The following ABCA4 variants were observed in gnomAD, a reference collection of about 807,000 sequenced individuals.
ABCA4 encodes ATP binding cassette subfamily A member 4.
ABCA4 carries 196 observed loss-of-function variants against 263.7 expected under a neutral mutation model. The ratio of observed to expected loss-of-function variants is 0.74; its 90% CI spans 0.66 to 0.84. ABCA4 has a LOEUF of 0.84. Ranked by LOEUF, ABCA4 falls within the 40% of genes least tolerant of loss-of-function variation. The probability of loss-of-function intolerance (pLI) is 0.00; values close to 1 mark genes in which losing one functional copy is unlikely to be tolerated. For synonymous variants in ABCA4, 1,133 were observed against 1,094.2 expected (o/e 1.04, Z -0.70); for missense variants, 2,792 against 2,855.1 (o/e 0.98, Z 0.50).
At chr1:94,056,948 C>T in intron 14 of ABCA4, 126 bp from the exon 15 acceptor site, 1 of 807,260 alleles carries the variant, frequency 1.2e-6, no homozygotes, top group South Asian at 1.5e-5. Context: ...ACTCCATGTG[C>T]TGAGTTCCTT....
rs746685896 is a variant in ABCA4, at chr1:94,078,610, T to C, written c.1336A>G (p.Thr446Ala). ...PQIWYFFDNS[T>A]QMNMIRDTLG... The stretch of plus-strand genomic sequence containing the variant: ...CTTACTCTGATCATGTTCATCTGTG[T>C]GCTGTTGTCAAAGAAGTACCAGATC... Residue 446 changes from threonine (T) to alanine (A), a missense_variant, in exon 10 of 50, where the codon ACA becomes GCA. Coordinates refer to ENST00000370225, the MANE Select transcript of ABCA4 (RefSeq NM_000350.3). The C allele has an allele frequency of 1.1e-5, 14 of 1,326,364 alleles. No homozygotes were observed. Among genetic ancestry groups the C allele is most frequent in the South Asian group, 1.0e-4 (9 of 87,204 alleles). 82.2% of individuals were successfully genotyped at this position (1,326,364 alleles called of 1,614,324 possible). A position where few individuals can be genotyped will look rare whatever the true frequency, so the allele number is the denominator to read the frequency against.
chr1:94,057,500 A>G (rs1469373449), intron 14 of ABCA4, among the ~76,000 whole-genome samples: 4 of 152,216 alleles, frequency 2.6e-5, no homozygotes, highest in African/African-American at 4.8e-5. Context: ...AGGAGCTTCA[A>G]CATTTTGCCT....
chr1:94,019,662 C>A lies in ABCA4; in HGVS notation c.5116G>T (p.Val1706Leu), dbSNP rs1044818989. 7 of 1,613,392 alleles carry A rather than the reference C, an allele frequency of 4.3e-6. No homozygotes were observed. Among genetic ancestry groups the A allele is most frequent in the Middle Eastern group, 3.3e-4 (2 of 6,060 alleles). Residue 1706 changes from valine to leucine, a missense_variant, in exon 36 of 50, where the codon GTG (valine) becomes TTG (leucine). Physicochemically the swap from Val to Leu is conservative, Grantham distance 32. Coordinates refer to ENST00000370225, the MANE Select transcript of ABCA4 (RefSeq NM_000350.3). The part of the protein sequence containing the change: ...SFVLYLIQER[V>L]NKSKHLQFIS... ...AACTGGAGGTGCTTGGATTTGTTCA[C>A]CCGCTCCTGGATCAAATAAAGGACA...
chr1:94,022,080 A>G (rs568694215), intron 32 of ABCA4, 129 bp from the exon 33 acceptor site: 102 of 777,792 alleles, frequency 1.3e-4, no homozygotes, highest in Middle Eastern at 6.8e-4. Flanking sequence ...ACATGGCTCC[A>G]CTTTACAAAC....
rs554468489 is a variant in ABCA4 at position 94,111,647 on chromosome 1, G to A, written c.161-68C>T. On this transcript the variant is annotated intron_variant, in intron 2 of 49. Transcript: ENST00000370225. The stretch of plus-strand genomic sequence containing the variant: ...GACCAAGCAGGATGCAGACCTAGGA[G>A]TTGGCCTTTTTGGGAAGGGGCCCGG... 4 of 1,598,166 alleles carry A rather than the reference G, an allele frequency of 2.5e-6. No individual in the cohort carries two copies. The African/African-American group carries it at 4.0e-5, about 16-fold the overall frequency.
chr1:94,030,306 C>A, intron 29 of ABCA4, 122 bp downstream of exon 29: 1 of 842,170 alleles, frequency 1.2e-6, no homozygotes. Context: ...TGGTCAGAGA[C>A]ATGGAAGTGA....
chr1:94,104,391 GTCCCAATTCCACGGCA>G (rs1408946030), intron 4 of ABCA4, among the ~76,000 whole-genome samples: 4 of 152,120 alleles, frequency 2.6e-5, no homozygotes, highest in Admixed American at 2.6e-4. Context: ...TTCTTTCCTG[GTCCCAATTCCACGGCA>G]TCCCATCCTC....
At chr1:94,037,816 A>G (rs546311614) in intron 24 of ABCA4, among the ~76,000 whole-genome samples, 1 of 152,370 alleles carries the variant, frequency 6.6e-6, no homozygotes, top group African/African-American at 2.4e-5. Context: ...TACCTGGCAC[A>G]TAGGTGAGTG....
intron 4 of ABCA4, among the ~76,000 whole-genome samples, chr1:94,107,561 C>T (rs11802259): frequency 0.045 from 6,813 of 152,262 alleles, 470 homozygotes; most frequent in African/African-American, 0.15. Context: ...GGAGGAGAGA[C>T]ACAGGAGAGG....
intron 11 of ABCA4, among the ~76,000 whole-genome samples, chr1:94,077,388 C>G (rs1661564090): frequency 6.6e-6 from 1 of 152,074 alleles, no homozygotes; most frequent in Admixed American, 6.6e-5. Context: ...GATGGCCACT[C>G]AAGCAATGTC....
rs146117175 is a variant in ABCA4, at chr1:94,098,984, T to A, written c.578A>T (p.His193Leu). The A allele has an allele frequency of 1.9e-6, 3 of 1,606,874 alleles. No individual in the cohort carries two copies. The highest frequency in any genetic ancestry group is 2.7e-5 in the African/African-American group (2 of 74,908). ...NSQVRPEQFA[H>L]GVPDLALKDI... ...CTTCAGCGCCAGGTCCGGGACTCCA[T>A]GAGCGAACTGCAGGGAGAAGAGGCA... The change falls in exon 6 of 50, where the codon CAT becomes CTT. Residue 193 changes from histidine to leucine, a missense_variant. Transcript: ENST00000370225.
chr1:94,034,108 T>C (rs1660278836), intron 26 of ABCA4, among the ~76,000 whole-genome samples: 1 of 152,192 alleles, frequency 6.6e-6, no homozygotes, highest in Admixed American at 6.5e-5. Flanking sequence ...CATTGACCCT[T>C]GTTGGAGGCT....
intron 19 of ABCA4, among the ~76,000 whole-genome samples, chr1:94,045,533 C>A (rs968678135): frequency 6.6e-6 from 1 of 152,126 alleles, no homozygotes; most frequent in Non-Finnish European, 1.5e-5. Context: ...CTTTGCGGAG[C>A]CCTGGGGTCC....
chr1:93,997,897 G>C lies in ABCA4; in HGVS notation c.6693C>G (p.Ile2231Met), dbSNP rs1801626. The C allele has an allele frequency of 3.7e-6, 6 of 1,613,956 alleles. No homozygotes were observed. In the South Asian group the frequency reaches 5.5e-5, roughly 15 times the overall value. Reference protein sequence around the residue: ...LLLSHKDSLLIEEYSVTQTTL... With the variant: ...LLLSHKDSLLMEEYSVTQTTL... ...TGGTCTGTGTGACTGAGTACTCCTCGATGAGCAGGCTGTCCTTGTGGGAGA... is the reference window on the plus strand; with the variant it reads ...TGGTCTGTGTGACTGAGTACTCCTCCATGAGCAGGCTGTCCTTGTGGGAGA... Residue 2231 changes from isoleucine to methionine, a missense_variant, in exon 48 of 50, where the codon ATC becomes ATG. By Grantham distance (10) the Ile-to-Met change is conservative. Coordinates refer to ENST00000370225, the MANE Select transcript of ABCA4 (RefSeq NM_000350.3).
chr1:94,064,495 A>G (rs1236882389), intron 11 of ABCA4, among the ~76,000 whole-genome samples: 1 of 152,186 alleles, frequency 6.6e-6, no homozygotes, highest in African/African-American at 2.4e-5. Context: ...GGCACAGGGA[A>G]CAGCACATGA....
chr1:94,030,880 C>T, intron 28 of ABCA4, 116 bp downstream of exon 28: 1 of 1,476,214 alleles, frequency 6.8e-7, no homozygotes, highest in African/African-American at 1.4e-5. Flanking sequence ...AAGACCCCTC[C>T]CCTCTCTCAT....
rs776935766 is a variant in ABCA4 at position 94,021,350 on chromosome 1, G to A, written c.4908C>T (p.Asn1636=). The change falls in exon 35 of 50, where the codon AAC becomes AAT. Residue 1636 remains asparagine, a synonymous_variant. Transcript: ENST00000370225. ...ALVSFLNVAH[N]AILRASLPKD... is the part of the protein sequence containing the mutation. ...TAGGCAGGCTGGCCCGTAAGATGGC[G>A]TTGTGGGCCACATTGAGAAAGCTGA... is the stretch of plus-strand genomic sequence containing the variant. 5.3e-5 allele frequency: 86 copies of A among 1,614,076 alleles called. No individual in the cohort carries two copies. The highest frequency in any genetic ancestry group is 1.6e-4 in the Middle Eastern group (1 of 6,084).
rs538982457 is a variant in ABCA4, at chr1:94,031,042, A to G, written c.4207T>C (p.Leu1403=). ...CCATATATCCAGGGGTGAAGGGTCA[A>G]AGCGGGGTATTCGCCAAAAGGAGGG... ...VIPPFGEYPA[L]TLHPWIYGQQ... Residue 1403 remains leucine, a synonymous_variant, in exon 28 of 50, where the codon TTG becomes CTG. Coordinates refer to ENST00000370225, the MANE Select transcript of ABCA4 (RefSeq NM_000350.3). The G allele has an allele frequency of 2.5e-6, 4 of 1,614,156 alleles. No individual in the cohort carries two copies. The South Asian group carries it at 3.3e-5, about 13-fold the overall frequency.
chr1:94,000,397 T>C (rs546712636), intron 47 of ABCA4, among the ~76,000 whole-genome samples: 15 of 152,340 alleles, frequency 9.8e-5, no homozygotes, highest in Admixed American at 9.1e-4. Context: ...ATGGTCTTTT[T>C]TCAAACTCAA....
Sources: allele counts gnomAD v4.1 joint callset (sites outside exome capture counted in the v4.1 genomes callset), GRCh38; gene constraint gnomAD v4.1.1; transcripts MANE v1.5; gene names NCBI Gene and HGNC (gene_info 2026-07-23, HGNC 2026-07-21).